The following HDAC1 variants were observed in gnomAD, a reference collection of about 807,000 sequenced individuals.
The protein encoded by HDAC1 is protein deacetylase HDAC1.
HDAC1 carries 18 observed loss-of-function variants against 65.5 expected under a neutral mutation model. That is an observed-to-expected ratio of 0.27 (90% CI 0.19 to 0.41). HDAC1 has a LOEUF of 0.41. HDAC1 is among the 10% of genes least tolerant of loss of function. The probability of loss-of-function intolerance (pLI) is 1.00; values close to 1 mark genes in which losing one functional copy is unlikely to be tolerated. For missense variants in HDAC1, 373 were observed against 625.2 expected (o/e 0.60, Z 4.30); for synonymous variants, 211 against 227.9 (o/e 0.93, Z 0.67).
chr1:32,328,681 G>A (rs1641251579), intron 6 of HDAC1, among the ~76,000 whole-genome samples: 1 of 152,178 alleles, frequency 6.6e-6, no homozygotes, highest in African/African-American at 2.4e-5. Context: ...AGGGAGCATG[G>A]GGGAAGAGGA....
chr1:32,332,730 GAGAAGCC>G lies in HDAC1; in HGVS notation c.1411_1417del (p.Glu471LysfsTer21). On this transcript the variant is annotated frameshift_variant, in exon 13 of 14. Coordinates refer to ENST00000373548, the MANE Select transcript of HDAC1 (RefSeq NM_004964.3). LOFTEE classifies it high-confidence loss of function. ...CACCGAAGAGGAGAAAACCAAGGAG[GAGAAGCC>G]AGAAGCCAAAGGGTGAGGAAGGAGC... 1 of 1,555,616 alleles carries G rather than the reference GAGAAGCC, an allele frequency of 6.4e-7. No individual in the cohort carries two copies. Among genetic ancestry groups the G allele is most frequent in the Non-Finnish European group, 8.7e-7 (1 of 1,149,004 alleles).
chr1:32,307,601 A>C (rs1640929149), intron 2 of HDAC1, among the ~76,000 whole-genome samples: 1 of 152,218 alleles, frequency 6.6e-6, no homozygotes, highest in South Asian at 2.1e-4. Context: ...AAAATTTCAT[A>C]ACAAATGGTT....
intron 1 of HDAC1, among the ~76,000 whole-genome samples, chr1:32,296,245 A>G (rs1640765432): frequency 6.6e-6 from 1 of 152,168 alleles, no homozygotes; most frequent in African/African-American, 2.4e-5. Flanking sequence ...TGAACCAGAA[A>G]GTACTGGGTT....
In HDAC1 at chr1:32,331,645, G is replaced by A. The variant is rs768477313; in HGVS notation, c.1089-31G>A. On this transcript the variant is annotated intron_variant, in intron 10 of 13. Coordinates refer to ENST00000373548, the MANE Select transcript of HDAC1 (RefSeq NM_004964.3). The surrounding 1 kb of genome is among the most constrained non-coding windows in gnomAD (Gnocchi z 4.2). ...CCTGACTTTGGTTTGTCCCTGACCAGAGCCCTGCTACTCTCTCCCATTGGC... is the reference window on the plus strand; with the variant it reads ...CCTGACTTTGGTTTGTCCCTGACCAAAGCCCTGCTACTCTCTCCCATTGGC... 4 of 1,613,522 alleles carry A rather than the reference G, an allele frequency of 2.5e-6. No homozygotes were observed. The South Asian group carries it at 4.4e-5, about 18-fold the overall frequency.
chr1:32,310,288 G>C (rs1640972828), intron 2 of HDAC1, among the ~76,000 whole-genome samples: 1 of 152,196 alleles, frequency 6.6e-6, no homozygotes, highest in Admixed American at 6.6e-5. Context: ...GTGAGTGTAA[G>C]GGGGTGAGCA....
intron 12 of HDAC1, 133 bp downstream of exon 12, chr1:32,332,375 G>T (rs1417167396): frequency 2.4e-6 from 2 of 846,500 alleles, no homozygotes; most frequent in South Asian, 1.8e-5. Flanking sequence ...GAGCCTTTCA[G>T]TGGCTCCCAG....
intron 4 of HDAC1, among the ~76,000 whole-genome samples, chr1:32,325,076 G>C (rs1280623250): frequency 2.0e-5 from 3 of 152,150 alleles, no homozygotes; most frequent in Admixed American, 2.0e-4. Context: ...TTCCTACTAA[G>C]AGATCTTATG....
chr1:32,312,069 C>T (rs1640999110), intron 2 of HDAC1, among the ~76,000 whole-genome samples: 1 of 151,382 alleles, frequency 6.6e-6, no homozygotes, highest in Non-Finnish European at 1.5e-5. Flanking sequence ...TGGCCTTGAA[C>T]TCCTGGGCTC....
intron 1 of HDAC1, among the ~76,000 whole-genome samples, chr1:32,293,320 T>TAA (rs551512691): frequency 0.039 from 4,776 of 121,530 alleles, 112 homozygotes; most frequent in Non-Finnish European, 0.049. Flanking sequence ...GGCTCTGTCT[T>TAA]AAAAAAAAAA....
At chr1:32,314,804 C>A (rs1280189226) in intron 2 of HDAC1, among the ~76,000 whole-genome samples, 1 of 135,768 alleles carries the variant, frequency 7.4e-6, no homozygotes, top group African/African-American at 2.9e-5. Context: ...CCAGCCTGGG[C>A]GACAGAGCGA....
rs2148073415 is a variant in HDAC1 at position 32,331,891 on chromosome 1, C to A, written c.1219+85C>A. 1 of 1,499,298 alleles carries A rather than the reference C, an allele frequency of 6.7e-7. No individual in the cohort carries two copies. The highest frequency in any genetic ancestry group is 9.0e-7 in the Non-Finnish European group (1 of 1,109,148). 92.9% of individuals were successfully genotyped at this position (1,499,298 alleles called of 1,614,324 possible). On this transcript the variant is annotated intron_variant, in intron 11 of 13. Coordinates refer to ENST00000373548, the MANE Select transcript of HDAC1 (RefSeq NM_004964.3). The surrounding 1 kb of genome is among the most constrained non-coding windows in gnomAD (Gnocchi z 4.2). ...ACCATTCCTGGCTGCACACTCCCTC[C>A]AAGCTCCCCACCTGTAGAGAAATCT... is the stretch of plus-strand genomic sequence containing the variant.
chr1:32,305,551 T>TA (rs1640899229), intron 2 of HDAC1, among the ~76,000 whole-genome samples: 1 of 152,112 alleles, frequency 6.6e-6, no homozygotes, highest in African/African-American at 2.4e-5. Context: ...TTTTAATTTA[T>TA]ATTCCCCTAC....
At chr1:32,325,285 C>T (rs2148069427) in intron 4 of HDAC1, among the ~76,000 whole-genome samples, 1 of 152,316 alleles carries the variant, frequency 6.6e-6, no homozygotes, top group Non-Finnish European at 1.5e-5. Context: ...GGGTTATCTC[C>T]AGGATTACTC....
In HDAC1 at chr1:32,324,546, T is replaced by C; in HGVS notation, c.348T>C (p.Gly116=). Residue 116 remains glycine (G), a synonymous_variant, in exon 4 of 14, where the codon GGT becomes GGC. Transcript: ENST00000373548. ...AGTTCTGTCAGTTGTCTACTGGTGG[T>C]TCTGTGGGTAAGGAATATTCATCTT... ...LFEFCQLSTG[G]SVASAVKLNK... is the part of the protein sequence containing the mutation. 1 of 1,608,080 alleles carries C rather than the reference T, an allele frequency of 6.2e-7. No individual in the cohort carries two copies.
intron 2 of HDAC1, among the ~76,000 whole-genome samples, chr1:32,315,418 T>C (rs1019251124): frequency 6.6e-6 from 1 of 151,716 alleles, no homozygotes; most frequent in South Asian, 2.1e-4. Context: ...AGTGGCACAA[T>C]CTCAGCTCAC....
In HDAC1 at chr1:32,316,779, A is replaced by C. The variant is rs759138561; in HGVS notation, c.277A>C (p.Arg93=). 6.3e-7 allele frequency: 1 copy of C among 1,587,078 alleles called. No homozygotes were observed. The highest frequency in any genetic ancestry group is 8.7e-7 in the Non-Finnish European group (1 of 1,155,364). The stretch of plus-strand genomic sequence containing the variant: ...GTCGGAGTACAGCAAGCAGATGCAG[A>C]GATGTAAGTCCATTCTGTTCCCTCA... The part of the protein sequence containing the change: ...NMSEYSKQMQ[R]FNVGEDCPVF... Residue 93 remains arginine (R), a synonymous_variant, in exon 3 of 14, where the codon AGA becomes CGA. Coordinates refer to ENST00000373548, the MANE Select transcript of HDAC1 (RefSeq NM_004964.3).
In HDAC1 at chr1:32,327,835, T is replaced by C; in HGVS notation, c.636+158T>C. 1.5e-6 allele frequency: 1 copy of C among 684,968 alleles called. No homozygotes were observed. 42.4% of individuals were successfully genotyped at this position (684,968 alleles called of 1,614,324 possible). On this transcript the variant is annotated intron_variant, in intron 6 of 13. Coordinates refer to ENST00000373548, the MANE Select transcript of HDAC1 (RefSeq NM_004964.3). This position sits in a 1 kb window ranked among gnomAD's most constrained non-coding sequence, Gnocchi z 6.0. ...CTTGCCCTGATCTCTTTCCCTTCCT[T>C]ATTCTGGAGGAAGGGAATGATGGGA... is the stretch of plus-strand genomic sequence containing the variant.
chr1:32,315,688 C>T (rs1186998200), intron 2 of HDAC1, among the ~76,000 whole-genome samples: 2 of 149,344 alleles, frequency 1.3e-5, no homozygotes, highest in African/African-American at 2.5e-5. Context: ...TTTTGTAGGC[C>T]GGGCGCAGTG....
At chr1:32,315,591 G>A (rs1157982727) in intron 2 of HDAC1, among the ~76,000 whole-genome samples, 4 of 150,772 alleles carry the variant, frequency 2.7e-5, no homozygotes, top group Non-Finnish European at 5.9e-5. Context: ...AACCTCAGGT[G>A]ATCCACCCGC....
Sources: gnomAD v4.1 joint callset for allele counts (sites outside exome capture counted in the v4.1 genomes callset) on GRCh38, gnomAD v4.1.1 for gene constraint, Gnocchi (gnomAD v3.1) non-coding constraint, MANE v1.5 for transcripts, NCBI Gene and HGNC (gene_info 2026-07-23, HGNC 2026-07-21) for gene names.